Variants in EPS8 observed in about 807,000 individuals in gnomAD.
EPS8 encodes the protein epidermal growth factor receptor kinase substrate 8.
EPS8 carries 42 observed loss-of-function variants against 103.8 expected under a neutral mutation model. The observed-to-expected ratio is 0.40, with a 90% CI of 0.32 to 0.52. The LOEUF (loss-of-function observed/expected upper bound fraction) is 0.52, where lower values mean the gene tolerates loss of function less well. Ranked by LOEUF, EPS8 falls within the 20% of genes least tolerant of loss-of-function variation. The probability of loss-of-function intolerance (pLI) is 0.40; values close to 1 mark genes in which losing one functional copy is unlikely to be tolerated. For synonymous variants in EPS8, 344 were observed against 344.6 expected (o/e 1.00, Z 0.02); for missense variants, 969 against 1,005.1 (o/e 0.96, Z 0.49).
intron 3 of EPS8, among the ~76,000 whole-genome samples, chr12:15,674,843 T>C (rs538698045): frequency 2.7e-3 from 105 of 39,350 alleles, no homozygotes; most frequent in African/African-American, 9.6e-3. Flanking sequence ...AAAAAAAAAT[T>C]TGTTCTGTTA....
At chr12:15,634,482 A>G (rs1020962727) in intron 17 of EPS8, among the ~76,000 whole-genome samples, 2 of 152,202 alleles carry the variant, frequency 1.3e-5, no homozygotes, top group African/African-American at 2.4e-5. Flanking sequence ...CTATTGAGAG[A>G]TAAGATCCTG....
chr12:15,623,590 T>C (rs1028478338), intron 19 of EPS8, among the ~76,000 whole-genome samples: 2 of 152,218 alleles, frequency 1.3e-5, no homozygotes, highest in Non-Finnish European at 2.9e-5. Flanking sequence ...GATAACTTTC[T>C]AGTAACCTGG....
rs146811089 is a variant in EPS8, at chr12:15,789,199, C to A, written c.-60G>T. 8.9e-4 allele frequency: 135 copies of A among 152,276 alleles called. 1 individual carries two copies. Among genetic ancestry groups the A allele is most frequent in the African/African-American group, 3.1e-3 (130 of 41,566 alleles). The allele number at this position is 152,276 out of a possible 1,614,324, so 9.4% of individuals were successfully genotyped here. On this transcript the variant is annotated 5_prime_UTR_variant, in exon 1 of 21. Coordinates refer to ENST00000281172, the MANE Select transcript of EPS8 (RefSeq NM_004447.6). This position sits in a 1 kb window ranked among gnomAD's most constrained non-coding sequence, Gnocchi z 6.1. ...TCGGGGCCACGGCTTTCCCCGGAGACGCCGCGAGCCCAGACGAGGTGGGAG... is the reference window on the plus strand; with the variant it reads ...TCGGGGCCACGGCTTTCCCCGGAGAAGCCGCGAGCCCAGACGAGGTGGGAG...
Position 15,738,308 on chromosome 12 carries a change from G to A in EPS8, c.-22+50853C>T, listed in dbSNP as rs1306649131. On this transcript the variant is annotated intron_variant, in intron 1 of 20. Coordinates refer to ENST00000281172, the MANE Select transcript of EPS8 (RefSeq NM_004447.6). The surrounding 1 kb of genome is among the most constrained non-coding windows in gnomAD (Gnocchi z 6.2). ...CTAAGAAACCCTTTTGCACATTGCA[G>A]ATATAGGTAGTCTTCACATAATTAA... Among the ~76,000 whole-genome samples the A allele has an allele frequency of 2.6e-5, 4 of 152,104 alleles. No homozygotes were observed. The highest frequency in any genetic ancestry group is 2.0e-4 in the Admixed American group (3 of 15,278).
intron 17 of EPS8, 182 bp from the exon 18 acceptor site, chr12:15,631,846 A>G (rs1945052559): frequency 1.9e-6 from 1 of 535,448 alleles, no homozygotes; most frequent in Non-Finnish European, 3.2e-6. Flanking sequence ...AACATTCTAC[A>G]TAATTTGTTC....
At chr12:15,743,941 CAGCAAAAGAAACT>C (rs1231979510) in intron 1 of EPS8, among the ~76,000 whole-genome samples, 148 of 152,252 alleles carry the variant, frequency 9.7e-4, no homozygotes, top group African/African-American at 3.4e-3. Flanking sequence ...AGCTTCTGCA[CAGCAAAAGAAACT>C]ACCATCAGAG....
At chr12:15,756,444 TAAAC>T (rs970183978) in intron 1 of EPS8, among the ~76,000 whole-genome samples, 4 of 152,016 alleles carry the variant, frequency 2.6e-5, no homozygotes, top group Non-Finnish European at 4.4e-5. Flanking sequence ...CAGAACCAAA[TAAAC>T]AAACACAATA....
At chr12:15,639,926 G>C (rs1366879697) in intron 17 of EPS8, among the ~76,000 whole-genome samples, 1 of 152,184 alleles carries the variant, frequency 6.6e-6, no homozygotes, top group African/African-American at 2.4e-5. Context: ...GCCACCCCAG[G>C]TTCACTGGCT....
intron 3 of EPS8, among the ~76,000 whole-genome samples, chr12:15,678,497 T>C (rs1945947534): frequency 6.6e-6 from 1 of 152,192 alleles, no homozygotes; most frequent in South Asian, 2.1e-4. Context: ...ATTGTACCTA[T>C]ACACTGCTCA....
chr12:15,759,727 A>G lies in EPS8; in HGVS notation c.-22+29434T>C, dbSNP rs959926967. Among the ~76,000 whole-genome samples, 2 of 152,126 alleles carry G rather than the reference A, an allele frequency of 1.3e-5. No individual in the cohort carries two copies. Among genetic ancestry groups the G allele is most frequent in the African/African-American group, 2.4e-5 (1 of 41,448 alleles). ...ATGCTCACGAATGACCACTGGGTCA[A>G]TGAAGAAACTAAGAAGGAAATTGAA... On this transcript the variant is annotated intron_variant, in intron 1 of 20. Coordinates refer to ENST00000281172, the MANE Select transcript of EPS8 (RefSeq NM_004447.6). The surrounding 1 kb of genome is among the most constrained non-coding windows in gnomAD (Gnocchi z 4.9).
At position 15,690,833 on chromosome 12, in the gene EPS8, A is replaced by G. The variant is rs1946161424; in HGVS notation, c.-21-7861T>C. ...CTCTTAACATTTTGCCCACAAAGATAAAAATGCACTCTTTTCAAAATAGTA... is the reference window on the plus strand; with the variant it reads ...CTCTTAACATTTTGCCCACAAAGATGAAAATGCACTCTTTTCAAAATAGTA... On this transcript the variant is annotated intron_variant, in intron 1 of 20. Transcript: ENST00000281172. The surrounding 1 kb of genome is among the most constrained non-coding windows in gnomAD (Gnocchi z 4.7). Among the ~76,000 whole-genome samples, 1 of 152,178 alleles carries G rather than the reference A, an allele frequency of 6.6e-6. No homozygotes were observed. Among genetic ancestry groups the G allele is most frequent in the South Asian group, 2.1e-4 (1 of 4,826 alleles).
In EPS8 at chr12:15,694,663, T is replaced by G. The variant is rs566525080; in HGVS notation, c.-21-11691A>C. On this transcript the variant is annotated intron_variant, in intron 1 of 20. Transcript: ENST00000281172. ...TACTCCAAAACAAAAGCAGAGATAT[T>G]TGTACATTAGTTTTAAAATTCAAGT... Among the ~76,000 whole-genome samples, 21 of 152,258 alleles carry G rather than the reference T, an allele frequency of 1.4e-4. No individual in the cohort carries two copies. In the East Asian group the frequency reaches 3.7e-3, roughly 27 times the overall value.
chr12:15,623,008 A>G lies in EPS8; in HGVS notation c.2355+150T>C, dbSNP rs1001694021. 5.8e-6 allele frequency: 4 copies of G among 693,342 alleles called. No individual in the cohort carries two copies. The East Asian group carries it at 1.1e-4, about 19-fold the overall frequency. 42.9% of individuals were successfully genotyped at this position (693,342 alleles called of 1,614,324 possible). ...ACAAATTAACCTTCTGGAAACTGTCATTGATGATCTCAGTGACAAATTTAC... is the reference window on the plus strand; with the variant it reads ...ACAAATTAACCTTCTGGAAACTGTCGTTGATGATCTCAGTGACAAATTTAC... On this transcript the variant is annotated intron_variant, in intron 20 of 20. Coordinates refer to ENST00000281172, the MANE Select transcript of EPS8 (RefSeq NM_004447.6).
At chr12:15,661,719 G>A (rs766848179) in intron 9 of EPS8, among the ~76,000 whole-genome samples, 3 of 152,032 alleles carry the variant, frequency 2.0e-5, no homozygotes, top group Non-Finnish European at 2.9e-5. Flanking sequence ...AATTACAAAC[G>A]ATAATAAAAT....
intron 1 of EPS8, among the ~76,000 whole-genome samples, chr12:15,699,294 T>G (rs1031886106): frequency 6.6e-6 from 1 of 152,236 alleles, no homozygotes; most frequent in African/African-American, 2.4e-5. Flanking sequence ...GAAAATAGTA[T>G]GAAGATGAGC....
intron 17 of EPS8, among the ~76,000 whole-genome samples, chr12:15,636,983 G>A (rs1342450274): frequency 6.6e-6 from 1 of 152,168 alleles, no homozygotes; most frequent in Non-Finnish European, 1.5e-5. Context: ...GAAAAACTAT[G>A]GGTTTATACA....
At chr12:15,621,577 T>G (rs76498725) in intron 20 of EPS8, 147 bp from the exon 21 acceptor site, 2 of 573,348 alleles carry the variant, frequency 3.5e-6, no homozygotes, top group East Asian at 6.6e-5. Flanking sequence ...TAAGTGAAGC[T>G]TCTGCACTTC....
At chr12:15,774,981 A>C (rs1242094853) in intron 1 of EPS8, among the ~76,000 whole-genome samples, 1 of 152,074 alleles carries the variant, frequency 6.6e-6, no homozygotes, top group Non-Finnish European at 1.5e-5. Context: ...GATAGTTATG[A>C]ATCTTTCATT....
At chr12:15,663,033 G>A (rs957853482) in intron 8 of EPS8, among the ~76,000 whole-genome samples, 1 of 149,852 alleles carries the variant, frequency 6.7e-6, no homozygotes, top group Non-Finnish European at 1.5e-5. Context: ...AGAAATCATC[G>A]TGTCTTATGA....
Sources: allele counts gnomAD v4.1 joint callset (sites outside exome capture counted in the v4.1 genomes callset), GRCh38; gene constraint gnomAD v4.1.1; non-coding constraint Gnocchi (gnomAD v3.1); transcripts MANE v1.5; gene names NCBI Gene and HGNC (gene_info 2026-07-23, HGNC 2026-07-21).